The following STPG2 variants were observed in gnomAD, a reference collection of about 807,000 sequenced individuals.
STPG2 encodes the protein sperm tail PG-rich repeat containing 2.
Under a neutral mutation model 54.2 loss-of-function variants are expected in STPG2, and 56 were observed. That is an observed-to-expected ratio of 1.03 (90% CI 0.83 to 1.29). The LOEUF is 1.29. STPG2 is among the 50% of genes most tolerant of loss of function. The probability of loss-of-function intolerance (pLI) is 0.00; values close to 1 mark genes in which losing one functional copy is unlikely to be tolerated. For synonymous variants in STPG2, 200 were observed against 181.8 expected, an observed-to-expected ratio of 1.10 and a Z score of -0.81; for missense variants, 596 against 544.9, an observed-to-expected ratio of 1.09 and a Z score of -0.93.
At chr4:97,846,277 G>A (rs1728945815) in intron 8 of STPG2, among the ~76,000 whole-genome samples, 1 of 151,982 alleles carries the variant, frequency 6.6e-6, no homozygotes, top group Non-Finnish European at 1.5e-5. Context: ...AGAAAACACT[G>A]AAGGGTGGAA....
intron 8 of STPG2, among the ~76,000 whole-genome samples, chr4:97,896,149 C>G (rs1730945765): frequency 6.6e-6 from 1 of 151,874 alleles, no homozygotes; most frequent in African/African-American, 2.4e-5. Flanking sequence ...AAAGATCAAG[C>G]TTTTTCTCCA....
intron 4 of STPG2, among the ~76,000 whole-genome samples, chr4:97,553,211 G>C (rs1479287876): frequency 1.3e-5 from 2 of 152,148 alleles, no homozygotes; most frequent in Non-Finnish European, 2.9e-5. Flanking sequence ...GAGTGGTTTT[G>C]TTGAACACAT....
At chr4:97,942,476 C>T (rs1733024586) in intron 8 of STPG2, among the ~76,000 whole-genome samples, 1 of 141,152 alleles carries the variant, frequency 7.1e-6, no homozygotes, top group African/African-American at 2.6e-5. Context: ...AAGAATATTG[C>T]TAGATGATTT....
At chr4:98,039,003 G>A (rs1052227532) in intron 5 of STPG2, among the ~76,000 whole-genome samples, 1 of 152,002 alleles carries the variant, frequency 6.6e-6, no homozygotes, top group Non-Finnish European at 1.5e-5. Context: ...GAGGATTGCT[G>A]AGACAAGAAC....
At chr4:97,646,603 C>T (rs1003863198) in intron 10 of STPG2, among the ~76,000 whole-genome samples, 3 of 152,082 alleles carry the variant, frequency 2.0e-5, no homozygotes, top group African/African-American at 7.2e-5. Context: ...CCACCCTAAG[C>T]ACTCACAGAT....
chr4:98,143,323 A>T lies in STPG2; in HGVS notation c.-173T>A, dbSNP rs1294555154. On this transcript the variant is annotated 5_prime_UTR_variant, in exon 1 of 11. Coordinates refer to ENST00000295268, the MANE Select transcript of STPG2 (RefSeq NM_174952.3). ...GTTGTCTCCCCGCCCGCTCATTGAT[A>T]CCAGATTTCCTCAAATCGATTTCTA... 1.7e-5 allele frequency: 10 copies of T among 586,840 alleles called. No homozygotes were observed. The Admixed American group carries it at 2.7e-4, about 16-fold the overall frequency. 36.4% of individuals were successfully genotyped at this position (586,840 alleles called of 1,614,324 possible).
At chr4:97,466,805 T>C (rs1438697194) in intron 4 of STPG2, among the ~76,000 whole-genome samples, 2 of 151,998 alleles carry the variant, frequency 1.3e-5, no homozygotes, top group Non-Finnish European at 2.9e-5. Flanking sequence ...AAGAAACTAG[T>C]GATCTTTCTC....
chr4:97,584,803 T>C (rs959414286), intron 10 of STPG2, among the ~76,000 whole-genome samples: 1 of 151,462 alleles, frequency 6.6e-6, no homozygotes, highest in Admixed American at 6.6e-5. Flanking sequence ...CCCTCCTAGA[T>C]TAAATCAGGA....
intron 9 of STPG2, among the ~76,000 whole-genome samples, chr4:97,813,641 A>G (rs1727811132): frequency 7.8e-6 from 1 of 128,030 alleles, no homozygotes; most frequent in African/African-American, 2.8e-5. Flanking sequence ...CAGGAGTTCA[A>G]GTCCAGCTTG....
chr4:97,926,694 A>G (rs1408983137), intron 8 of STPG2, among the ~76,000 whole-genome samples: 1 of 152,160 alleles, frequency 6.6e-6, no homozygotes, highest in Non-Finnish European at 1.5e-5. Context: ...TTTCACTTTC[A>G]AGGAAGTGTG....
At chr4:97,666,601 C>T (rs1722534151) in intron 10 of STPG2, among the ~76,000 whole-genome samples, 1 of 152,066 alleles carries the variant, frequency 6.6e-6, no homozygotes, top group Non-Finnish European at 1.5e-5. Flanking sequence ...ATAGATAATC[C>T]ATCCTCAAAC....
intron 4 of STPG2, among the ~76,000 whole-genome samples, chr4:97,469,265 C>T (rs572444284): frequency 8.5e-5 from 13 of 152,120 alleles, no homozygotes; most frequent in Non-Finnish European, 1.3e-4. Flanking sequence ...CATGTTAATA[C>T]ATTAAAGAAC....
At chr4:97,509,952 C>A (rs1447227809) in intron 4 of STPG2, among the ~76,000 whole-genome samples, 1 of 152,010 alleles carries the variant, frequency 6.6e-6, no homozygotes, top group Non-Finnish European at 1.5e-5. Flanking sequence ...GCACCCCCAC[C>A]AACCCTCCCA....
chr4:97,937,811 C>A (rs769386383), intron 8 of STPG2, among the ~76,000 whole-genome samples: 2 of 152,190 alleles, frequency 1.3e-5, no homozygotes, highest in Non-Finnish European at 1.5e-5. Context: ...AGTAGGAACA[C>A]TCCTGTATAT....
At chr4:98,027,779 A>G (rs182493202) in intron 5 of STPG2, among the ~76,000 whole-genome samples, 5 of 152,306 alleles carry the variant, frequency 3.3e-5, no homozygotes, top group Non-Finnish European at 7.4e-5. Flanking sequence ...TTTGGAGTCA[A>G]TCTTCCTTTT....
At chr4:97,848,591 T>A (rs1014817378) in intron 8 of STPG2, among the ~76,000 whole-genome samples, 6 of 152,152 alleles carry the variant, frequency 3.9e-5, no homozygotes, top group African/African-American at 1.4e-4. Context: ...AGATATTGAC[T>A]GTAGCTCCTG....
At position 98,134,458 on chromosome 4, in the gene STPG2, A is replaced by C; in HGVS notation, c.111T>G (p.Gly37=). 1 of 1,550,968 alleles carries C rather than the reference A, an allele frequency of 6.4e-7. No homozygotes were observed. Among genetic ancestry groups the C allele is most frequent in the Non-Finnish European group, 8.7e-7 (1 of 1,143,444 alleles). The part of the protein sequence containing the change: ...QVPFLKQQAT[G]SNAPFLSLTA... ...TCAAAGAAAGAAATGGTGCATTACT[A>C]CCTATAAAAATAAAATCATATGACC... The change falls in exon 2 of 11, where the codon GGT becomes GGG. Residue 37 remains glycine (G), a splice_region_variant and synonymous_variant. Coordinates refer to ENST00000295268, the MANE Select transcript of STPG2 (RefSeq NM_174952.3).
At chr4:98,085,561 T>A (rs1191001312) in intron 5 of STPG2, among the ~76,000 whole-genome samples, 1 of 152,064 alleles carries the variant, frequency 6.6e-6, no homozygotes, top group East Asian at 1.9e-4. Flanking sequence ...CTTTTCAGAA[T>A]CCTCTCAGCA....
chr4:97,836,796 T>C (rs892543041), intron 9 of STPG2, among the ~76,000 whole-genome samples: 26 of 150,948 alleles, frequency 1.7e-4, no homozygotes, highest in Middle Eastern at 7.1e-3. Flanking sequence ...ATATTTACTG[T>C]ATCACAGCAT....
Sources: gnomAD v4.1 joint callset for allele counts (sites outside exome capture counted in the v4.1 genomes callset) on GRCh38, gnomAD v4.1.1 for gene constraint, MANE v1.5 for transcripts, NCBI Gene and HGNC (gene_info 2026-07-23, HGNC 2026-07-21) for gene names.